The following GSK3B variants were observed in gnomAD, a reference collection of about 807,000 sequenced individuals.
GSK3B encodes the protein glycogen synthase kinase-3 beta.
In GSK3B, 15 loss-of-function variants were observed where a neutral mutation model predicts 56.4. The observed-to-expected ratio is 0.27, with a 90% confidence interval of 0.18 to 0.41. The LOEUF (loss-of-function observed/expected upper bound fraction) is 0.41. Ranked by LOEUF, GSK3B falls within the 10% of genes least tolerant of loss-of-function variation. GSK3B has a pLI of 1.00. For missense variants in GSK3B, 300 were observed against 513.4 expected, an observed-to-expected ratio of 0.58 and a Z score of 4.02; for synonymous variants, 181 against 188.9, an observed-to-expected ratio of 0.96 and a Z score of 0.34.
chr3:119,929,916 A>T (rs1184699035), intron 3 of GSK3B, among the ~76,000 whole-genome samples: 6 of 150,218 alleles, frequency 4.0e-5, no homozygotes, highest in Non-Finnish European at 7.4e-5. Context: ...AAAAAAAAAA[A>T]AAATAATAAT....
At chr3:119,836,731 T>C (rs939319029) in intron 10 of GSK3B, among the ~76,000 whole-genome samples, 2 of 152,166 alleles carry the variant, frequency 1.3e-5, no homozygotes, top group Non-Finnish European at 2.9e-5. Context: ...ACAAGAGGAA[T>C]GACCAGTCAC....
intron 2 of GSK3B, among the ~76,000 whole-genome samples, chr3:119,992,418 A>C (rs889328368): frequency 2.6e-5 from 4 of 152,150 alleles, no homozygotes; most frequent in Admixed American, 6.5e-5. Context: ...TGATTTAGAA[A>C]AGATAAAATT....
At chr3:119,832,951 T>G in intron 10 of GSK3B, 1 of 979,378 alleles carries the variant, frequency 1.0e-6, no homozygotes. Context: ...CAGCATTTTT[T>G]GTTTTGTTTG....
chr3:119,963,624 A>AC (rs1189976216), intron 2 of GSK3B, among the ~76,000 whole-genome samples: 3 of 117,746 alleles, frequency 2.5e-5, no homozygotes, highest in Non-Finnish European at 5.2e-5. Flanking sequence ...CTTCTTCCCC[A>AC]CAAAAAAAAA....
intron 1 of GSK3B, among the ~76,000 whole-genome samples, chr3:120,056,098 T>C (rs1258888518): frequency 6.6e-6 from 1 of 152,176 alleles, no homozygotes; most frequent in Non-Finnish European, 1.5e-5. Flanking sequence ...ATATACAGAA[T>C]CCAGGTATCT....
intron 2 of GSK3B, among the ~76,000 whole-genome samples, chr3:119,995,522 T>C (rs1440246470): frequency 2.0e-5 from 3 of 151,906 alleles, no homozygotes; most frequent in African/African-American, 2.4e-5. Flanking sequence ...TGGAGTGCAG[T>C]GGCGCGATCT....
chr3:119,923,753 C>A (rs1029516689), intron 3 of GSK3B, among the ~76,000 whole-genome samples: 2 of 152,118 alleles, frequency 1.3e-5, no homozygotes, highest in South Asian at 4.1e-4. Flanking sequence ...ATTTTGGTTA[C>A]CATGATTTTA....
At chr3:120,055,398 T>C (rs555281951) in intron 1 of GSK3B, among the ~76,000 whole-genome samples, 53 of 152,304 alleles carry the variant, frequency 3.5e-4, no homozygotes, top group African/African-American at 1.3e-3. Flanking sequence ...AGTACAGCAA[T>C]AATAGTATAT....
chr3:120,022,162 A>C (rs1483642833), intron 1 of GSK3B, among the ~76,000 whole-genome samples: 2 of 152,216 alleles, frequency 1.3e-5, no homozygotes, highest in African/African-American at 4.8e-5. Flanking sequence ...TGGCACAGCC[A>C]CCCTAGCCTT....
intron 8 of GSK3B, among the ~76,000 whole-genome samples, chr3:119,871,787 G>A (rs1389564201): frequency 6.6e-6 from 1 of 152,092 alleles, no homozygotes; most frequent in Non-Finnish European, 1.5e-5. Context: ...AATCCAGCAT[G>A]GCTGCATGGT....
intron 1 of GSK3B, among the ~76,000 whole-genome samples, chr3:120,007,754 G>A (rs868534326): frequency 3.3e-5 from 5 of 152,102 alleles, no homozygotes; most frequent in Admixed American, 1.3e-4. Flanking sequence ...ACTTGGTATC[G>A]ATGGAACGTA....
At chr3:119,988,708 T>C (rs2057537791) in intron 2 of GSK3B, among the ~76,000 whole-genome samples, 1 of 152,192 alleles carries the variant, frequency 6.6e-6, no homozygotes, top group African/African-American at 2.4e-5. Context: ...AACTCATAGA[T>C]ATTTGATAGT....
chr3:119,989,842 A>C (rs181144659), intron 2 of GSK3B, among the ~76,000 whole-genome samples: 1 of 152,130 alleles, frequency 6.6e-6, no homozygotes, highest in Non-Finnish European at 1.5e-5. Context: ...TGGCCATTTC[A>C]CAGACAACTA....
At chr3:120,021,167 C>T (rs989080610) in intron 1 of GSK3B, among the ~76,000 whole-genome samples, 1 of 152,096 alleles carries the variant, frequency 6.6e-6, no homozygotes, top group African/African-American at 2.4e-5. Flanking sequence ...GCTAAGACCA[C>T]TGATGAAGAT....
At chr3:119,975,234 G>C (rs989677160) in intron 2 of GSK3B, among the ~76,000 whole-genome samples, 1 of 152,192 alleles carries the variant, frequency 6.6e-6, no homozygotes, top group Non-Finnish European at 1.5e-5. Flanking sequence ...ATCACCTGAG[G>C]TCAGGAGTTC....
At chr3:119,936,513 A>C (rs1259017601) in intron 3 of GSK3B, among the ~76,000 whole-genome samples, 2 of 151,064 alleles carry the variant, frequency 1.3e-5, no homozygotes, top group East Asian at 3.9e-4. Flanking sequence ...TACCTGGCTA[A>C]TTTTTGTATT....
At chr3:120,027,370 C>G (rs1362570494) in intron 1 of GSK3B, among the ~76,000 whole-genome samples, 3 of 149,008 alleles carry the variant, frequency 2.0e-5, no homozygotes, top group Admixed American at 6.7e-5. Context: ...GAGCGAGACT[C>G]TGTCTCAGGA....
intron 3 of GSK3B, among the ~76,000 whole-genome samples, chr3:119,939,599 G>A (rs1217326174): frequency 1.3e-5 from 2 of 152,112 alleles, no homozygotes; most frequent in Non-Finnish European, 2.9e-5. Flanking sequence ...TAGGCTAGGG[G>A]TGGGGAGGAA....
chr3:119,890,679 T>A (rs1367904963), intron 7 of GSK3B, among the ~76,000 whole-genome samples: 1 of 151,772 alleles, frequency 6.6e-6, no homozygotes, highest in Non-Finnish European at 1.5e-5. Flanking sequence ...TTTACTAAAC[T>A]GTCATTTAAA....
Sources: gnomAD v4.1 joint callset for allele counts (sites outside exome capture counted in the v4.1 genomes callset) on GRCh38, gnomAD v4.1.1 for gene constraint, MANE v1.5 for transcripts, NCBI Gene and HGNC (gene_info 2026-07-23, HGNC 2026-07-21) for gene names.